Variants in SEMA6D observed in about 807,000 individuals in gnomAD.
The protein encoded by SEMA6D is semaphorin-6D.
A neutral mutation model predicts 106.6 loss-of-function variants in SEMA6D; 35 were observed. The ratio of observed to expected loss-of-function variants is 0.33; its 90% CI spans 0.25 to 0.44. The LOEUF (loss-of-function observed/expected upper bound fraction) is 0.44, where lower values mean the gene tolerates loss of function less well. SEMA6D is among the 20% of genes least tolerant of loss of function. The pLI, the probability that SEMA6D is intolerant of heterozygous loss-of-function variation, is 1.00. For synonymous variants in SEMA6D, 499 were observed against 487.7 expected, an observed-to-expected ratio of 1.02 and a Z score of -0.31; for missense variants, 1,185 against 1,345.9, an observed-to-expected ratio of 0.88 and a Z score of 1.87.
At chr15:47,580,085 G>A (rs2076229703) in intron 3 of SEMA6D, among the ~76,000 whole-genome samples, 5 of 152,288 alleles carry the variant, frequency 3.3e-5, no homozygotes, top group Non-Finnish European at 7.3e-5. Flanking sequence ...CCACCTGTCT[G>A]AGATGACCTT....
chr15:47,704,222 G>T (rs1270100887), intron 4 of SEMA6D, among the ~76,000 whole-genome samples: 2 of 152,052 alleles, frequency 1.3e-5, no homozygotes, highest in East Asian at 1.9e-4. Context: ...TTGAACTCAA[G>T]CAATGCTCCC....
intron 1 of SEMA6D, among the ~76,000 whole-genome samples, chr15:47,203,587 C>T (rs535333971): frequency 1.3e-5 from 2 of 152,288 alleles, no homozygotes; most frequent in South Asian, 4.1e-4. Flanking sequence ...GTCATTTAAG[C>T]TTCAACCATC....
intron 3 of SEMA6D, among the ~76,000 whole-genome samples, chr15:47,569,930 G>A (rs987152059): frequency 6.6e-6 from 1 of 151,794 alleles, no homozygotes; most frequent in Non-Finnish European, 1.5e-5. Flanking sequence ...GCGTGGTGGT[G>A]GGTGCCGGTA....
At chr15:47,521,051 T>C (rs2044555555) in intron 3 of SEMA6D, among the ~76,000 whole-genome samples, 1 of 152,224 alleles carries the variant, frequency 6.6e-6, no homozygotes, top group South Asian at 2.1e-4. Context: ...AAAGTAGAAC[T>C]GCCTCCTCTC....
At chr15:47,538,589 T>G (rs1157786169) in intron 3 of SEMA6D, among the ~76,000 whole-genome samples, 2 of 152,212 alleles carry the variant, frequency 1.3e-5, no homozygotes, top group Non-Finnish European at 2.9e-5. Flanking sequence ...ACTGGTCTGT[T>G]GATTGGTGTG....
At chr15:47,494,267 A>G (rs1238053646) in intron 3 of SEMA6D, among the ~76,000 whole-genome samples, 2 of 152,122 alleles carry the variant, frequency 1.3e-5, no homozygotes, top group East Asian at 1.9e-4. Context: ...TTTGATGGCT[A>G]TCGCTTTCTA....
chr15:47,583,584 T>C (rs1021434392), intron 3 of SEMA6D, among the ~76,000 whole-genome samples: 1 of 152,166 alleles, frequency 6.6e-6, no homozygotes, highest in Non-Finnish European at 1.5e-5. Flanking sequence ...ATGGCCCTCT[T>C]TTAAAAGTAG....
chr15:47,267,381 A>G (rs935804376), intron 1 of SEMA6D, among the ~76,000 whole-genome samples: 10 of 151,822 alleles, frequency 6.6e-5, no homozygotes, highest in African/African-American at 2.2e-4. Context: ...CTCAAAATTA[A>G]GTAACTTATT....
chr15:47,233,493 G>A (rs1459805241), intron 1 of SEMA6D, among the ~76,000 whole-genome samples: 1 of 151,986 alleles, frequency 6.6e-6, no homozygotes, highest in Non-Finnish European at 1.5e-5. Flanking sequence ...TTTCAGTAAC[G>A]ATTGCATTGT....
chr15:47,696,899 G>T (rs375753478), intron 4 of SEMA6D, among the ~76,000 whole-genome samples: 7 of 152,076 alleles, frequency 4.6e-5, no homozygotes, highest in African/African-American at 1.7e-4. Context: ...CTGAATATTT[G>T]ACACAATAAG....
chr15:47,511,850 T>G (rs2044244359), intron 3 of SEMA6D, among the ~76,000 whole-genome samples: 1 of 152,122 alleles, frequency 6.6e-6, no homozygotes. Flanking sequence ...GCCACACATG[T>G]GCTGTGTGAG....
intron 4 of SEMA6D, among the ~76,000 whole-genome samples, chr15:47,616,510 A>G (rs1419307177): frequency 6.6e-6 from 1 of 151,888 alleles, no homozygotes; most frequent in Non-Finnish European, 1.5e-5. Flanking sequence ...GCTATGACAC[A>G]ATGGTAGGTG....
intron 3 of SEMA6D, among the ~76,000 whole-genome samples, chr15:47,483,985 G>A (rs1016534874): frequency 1.3e-4 from 20 of 152,044 alleles, no homozygotes; most frequent in African/African-American, 4.8e-4. Context: ...CTTCCTGTGT[G>A]CAAAAATCTT....
intron 3 of SEMA6D, among the ~76,000 whole-genome samples, chr15:47,525,664 G>A (rs2044731232): frequency 6.6e-6 from 1 of 152,132 alleles, no homozygotes; most frequent in African/African-American, 2.4e-5. Flanking sequence ...ATCTGCTAGA[G>A]AGGGTTAAAA....
chr15:47,242,757 C>A, intron 1 of SEMA6D, among the ~76,000 whole-genome samples: 1 of 152,054 alleles, frequency 6.6e-6, no homozygotes, highest in East Asian at 1.9e-4. Flanking sequence ...AAAGCAACCC[C>A]TGATCATTAT....
intron 4 of SEMA6D, among the ~76,000 whole-genome samples, chr15:47,676,575 A>G (rs563636056): frequency 1.3e-5 from 2 of 152,312 alleles, no homozygotes; most frequent in South Asian, 2.1e-4. Flanking sequence ...GAATTCTGAC[A>G]TTAAATTGTT....
chr15:47,532,524 T>C (rs980183851), intron 3 of SEMA6D, among the ~76,000 whole-genome samples: 6 of 152,184 alleles, frequency 3.9e-5, no homozygotes, highest in Admixed American at 3.9e-4. Context: ...TTTGAGTTGC[T>C]ATGGCACTGA....
intron 4 of SEMA6D, among the ~76,000 whole-genome samples, chr15:47,617,453 A>G (rs984979829): frequency 2.6e-5 from 4 of 152,216 alleles, no homozygotes; most frequent in Non-Finnish European, 5.9e-5. Flanking sequence ...ACTATTTTTA[A>G]AAGTTGCCAC....
chr15:47,320,201 C>A (rs891662672), intron 1 of SEMA6D, among the ~76,000 whole-genome samples: 1 of 152,134 alleles, frequency 6.6e-6, no homozygotes, highest in East Asian at 1.9e-4. Flanking sequence ...CAGTGGATAT[C>A]TCTGTAGGGA....
Sources: allele counts gnomAD v4.1 joint callset (sites outside exome capture counted in the v4.1 genomes callset), GRCh38; gene constraint gnomAD v4.1.1; transcripts MANE v1.5; gene names NCBI Gene and HGNC (gene_info 2026-07-23, HGNC 2026-07-21).